Variants in SLC23A2 observed in about 807,000 individuals in gnomAD.
SLC23A2 encodes the protein Na(+)/L-ascorbic acid transporter 2.
Under a neutral mutation model 73.3 loss-of-function variants are expected in SLC23A2, and 36 were observed. That is an observed-to-expected ratio of 0.49 (90% CI 0.38 to 0.65). The LOEUF is 0.65. Among genes scored for constraint, SLC23A2 ranks in the 30% least tolerant of loss-of-function variants. SLC23A2 has a pLI of 0.00. For missense variants in SLC23A2, 507 were observed against 841.6 expected (o/e 0.60, Z 4.92); for synonymous variants, 343 against 327.3 (o/e 1.05, Z -0.52).
At chr20:4,964,620 T>C (rs2087444508) in intron 2 of SLC23A2, among the ~76,000 whole-genome samples, 1 of 151,968 alleles carries the variant, frequency 6.6e-6, no homozygotes. Context: ...AAGACAGGCT[T>C]ACAAAACAAA....
At chr20:4,887,724 C>A (rs569333741) in intron 6 of SLC23A2, among the ~76,000 whole-genome samples, 13 of 152,336 alleles carry the variant, frequency 8.5e-5, no homozygotes, top group African/African-American at 3.1e-4. Context: ...TAGAAAAAGT[C>A]TCCCGAGATG....
At chr20:4,939,277 T>A (rs1356126355) in intron 2 of SLC23A2, among the ~76,000 whole-genome samples, 1 of 152,212 alleles carries the variant, frequency 6.6e-6, no homozygotes, top group Non-Finnish European at 1.5e-5. Context: ...ATGATTTTTT[T>A]AAGGCATGTG....
At chr20:4,904,580 C>T (rs1345245682) in intron 4 of SLC23A2, among the ~76,000 whole-genome samples, 4 of 152,192 alleles carry the variant, frequency 2.6e-5, no homozygotes, top group Non-Finnish European at 4.4e-5. Context: ...ATTTTGCTAA[C>T]GTGATGGAAT....
At chr20:4,990,471 T>C (rs889791069) in intron 1 of SLC23A2, among the ~76,000 whole-genome samples, 1 of 151,780 alleles carries the variant, frequency 6.6e-6, no homozygotes, top group Non-Finnish European at 1.5e-5. Context: ...CTGGGTTCAA[T>C]TGATTCCCAT....
At chr20:4,991,039 C>T (rs894863287) in intron 1 of SLC23A2, among the ~76,000 whole-genome samples, 19 of 151,294 alleles carry the variant, frequency 1.3e-4, no homozygotes, top group African/African-American at 4.6e-4. Flanking sequence ...TTTATACCTG[C>T]TCTATACCAG....
chr20:4,946,068 T>C (rs555879741), intron 2 of SLC23A2, among the ~76,000 whole-genome samples: 1 of 152,152 alleles, frequency 6.6e-6, no homozygotes, highest in Non-Finnish European at 1.5e-5. Flanking sequence ...ATGGAAGGAA[T>C]CTCCTTTGCA....
intron 9 of SLC23A2, among the ~76,000 whole-genome samples, chr20:4,879,252 C>CA (rs113620169): frequency 0.09 from 13,680 of 151,310 alleles, 1,518 homozygotes; most frequent in African/African-American, 0.27. Context: ...ACTAAAAATA[C>CA]AAAAAAATTA....
chr20:4,943,162 T>C (rs1448485050), intron 2 of SLC23A2, among the ~76,000 whole-genome samples: 1 of 149,652 alleles, frequency 6.7e-6, no homozygotes, highest in African/African-American at 2.4e-5. Context: ...GTGGAGAAGA[T>C]AGATGTTCCA....
In SLC23A2 at chr20:4,899,441, C is replaced by A; in HGVS notation, c.482+114G>T. On this transcript the variant is annotated intron_variant, in intron 6 of 16. Transcript: ENST00000338244. The surrounding 1 kb of genome is among the most constrained non-coding windows in gnomAD (Gnocchi z 4.9). Reference sequence around the variant, plus strand: ...GGACCAACGGCCACTAGGACATTCCCGTGCCTCCATTCTGTCCTTGCCAAC... The same window carrying A: ...GGACCAACGGCCACTAGGACATTCCAGTGCCTCCATTCTGTCCTTGCCAAC... 8.2e-7 allele frequency: 1 copy of A among 1,212,784 alleles called. No homozygotes were observed. Among genetic ancestry groups the A allele is most frequent in the South Asian group, 1.3e-5 (1 of 74,638 alleles). 75.1% of individuals were successfully genotyped at this position (1,212,784 alleles called of 1,614,324 possible).
intron 3 of SLC23A2, among the ~76,000 whole-genome samples, chr20:4,930,483 G>A (rs868578882): frequency 1.3e-5 from 2 of 152,108 alleles, no homozygotes; most frequent in South Asian, 2.1e-4. Context: ...AAAAATAAAC[G>A]AATAAAGTGT....
At chr20:4,989,691 A>G (rs1047792493) in intron 1 of SLC23A2, among the ~76,000 whole-genome samples, 2 of 151,912 alleles carry the variant, frequency 1.3e-5, no homozygotes, top group African/African-American at 4.8e-5. Flanking sequence ...AAAAATTTGC[A>G]TATGAAATAA....
intron 6 of SLC23A2, among the ~76,000 whole-genome samples, chr20:4,898,415 A>G (rs1931629063): frequency 6.6e-6 from 1 of 152,182 alleles, no homozygotes; most frequent in African/African-American, 2.4e-5. Flanking sequence ...GGCAACCCTG[A>G]GGTCCCGAAG....
At chr20:4,951,401 G>A (rs957683443) in intron 2 of SLC23A2, among the ~76,000 whole-genome samples, 4 of 152,118 alleles carry the variant, frequency 2.6e-5, no homozygotes, top group African/African-American at 9.7e-5. Context: ...GAAACTCTGA[G>A]AGACAAGGAA....
chr20:4,895,322 T>A (rs1476696876), intron 6 of SLC23A2, among the ~76,000 whole-genome samples: 1 of 152,220 alleles, frequency 6.6e-6, no homozygotes, highest in Non-Finnish European at 1.5e-5. Flanking sequence ...CGGCTGCATC[T>A]GCCTTTCCTC....
At chr20:5,008,848 T>C (rs551498533) in intron 1 of SLC23A2, among the ~76,000 whole-genome samples, 9 of 152,112 alleles carry the variant, frequency 5.9e-5, no homozygotes, top group Non-Finnish European at 8.8e-5. Flanking sequence ...ATTGCAGACA[T>C]GAGTCACCAC....
At position 4,902,177 on chromosome 20, in the gene SLC23A2, T is replaced by C. The variant is rs973386826; in HGVS notation, c.324+265A>G. Among the ~76,000 whole-genome samples the C allele has an allele frequency of 9.9e-5, 15 of 152,186 alleles. No homozygotes were observed. Among genetic ancestry groups the C allele is most frequent in the African/African-American group, 3.1e-4 (13 of 41,444 alleles). On this transcript the variant is annotated intron_variant, in intron 5 of 16. Coordinates refer to ENST00000338244, the MANE Select transcript of SLC23A2 (RefSeq NM_005116.6). This position sits in a 1 kb window ranked among gnomAD's most constrained non-coding sequence, Gnocchi z 4.0. ...CACCACCACACATGGCTAATTTTTG[T>C]ATTTTTTGTAGAGATGGACTTTTGC...
intron 1 of SLC23A2, among the ~76,000 whole-genome samples, chr20:4,975,320 GA>G: frequency 6.6e-6 from 1 of 151,720 alleles, no homozygotes. Context: ...CGGTGAGTAA[GA>G]AAAAAAGAAA....
chr20:4,952,438 C>T (rs951895196), intron 2 of SLC23A2, among the ~76,000 whole-genome samples: 41 of 152,072 alleles, frequency 2.7e-4, no homozygotes, highest in Non-Finnish European at 1.9e-4. Flanking sequence ...AAGGTCTTAA[C>T]AAGGAATTTT....
chr20:4,993,307 C>CAA (rs35872510), intron 1 of SLC23A2, among the ~76,000 whole-genome samples: 20,651 of 122,812 alleles, frequency 0.17, 1,962 homozygotes, highest in East Asian at 0.35. Context: ...GACTCCGTCT[C>CAA]AAAAAAAAAA....
Sources: gnomAD v4.1 joint callset for allele counts (sites outside exome capture counted in the v4.1 genomes callset) on GRCh38, gnomAD v4.1.1 for gene constraint, Gnocchi (gnomAD v3.1) non-coding constraint, MANE v1.5 for transcripts, NCBI Gene and HGNC (gene_info 2026-07-23, HGNC 2026-07-21) for gene names.